The following C4orf36 variants were observed in gnomAD, a reference collection of about 807,000 sequenced individuals.
C4orf36 encodes chromosome 4 open reading frame 36, also known as uncharacterized protein C4orf36.
In C4orf36, 11 loss-of-function variants were observed where a neutral mutation model predicts 12.2. The ratio of observed to expected loss-of-function variants is 0.90; its 90% confidence interval spans 0.57 to 1.49. The LOEUF is 1.49. Ranked by LOEUF, C4orf36 falls within the 40% of genes most tolerant of loss-of-function variation. The probability of loss-of-function intolerance (pLI) is 0.00; values close to 1 mark genes in which losing one functional copy is unlikely to be tolerated. For missense variants in C4orf36, 137 were observed against 133.9 expected (o/e 1.02, Z -0.11); for synonymous variants, 54 against 51.3 (o/e 1.05, Z -0.22).
At chr4:86,936,022 GACGGGCC>G in the C4orf36 span, 1 of 152,086 alleles carries the variant, frequency 6.6e-6, no homozygotes, top group Non-Finnish European at 1.5e-5. Context: ...ATGGAGCTGC[GACGGGCC>G]TGCGGGCGGT....
the C4orf36 span, among the ~76,000 whole-genome samples, chr4:86,930,587 G>C: frequency 6.6e-6 from 1 of 152,212 alleles, no homozygotes; most frequent in East Asian, 1.9e-4. Flanking sequence ...TGTTTTGGGG[G>C]ATGAAAAAAT....
At chr4:86,888,609 T>C (rs1747272128) in intron 2 of C4orf36, among the ~76,000 whole-genome samples, 1 of 152,154 alleles carries the variant, frequency 6.6e-6, no homozygotes, top group Non-Finnish European at 1.5e-5. Context: ...AATGTGGTCA[T>C]ATTGAAGAAG....
At chr4:86,930,449 A>C in the C4orf36 span, among the ~76,000 whole-genome samples, 6 of 152,390 alleles carry the variant, frequency 3.9e-5, no homozygotes, top group Admixed American at 3.9e-4. Flanking sequence ...AAGATGAAAT[A>C]TCTCTCTGAG....
chr4:86,924,140 A>G, the C4orf36 span, among the ~76,000 whole-genome samples: 1 of 152,156 alleles, frequency 6.6e-6, no homozygotes, highest in Non-Finnish European at 1.5e-5. Flanking sequence ...TCCCAGGTCC[A>G]AGCCATCCTC....
the C4orf36 span, among the ~76,000 whole-genome samples, chr4:86,922,462 C>T: frequency 1.3e-5 from 2 of 152,204 alleles, no homozygotes; most frequent in Admixed American, 6.5e-5. Flanking sequence ...CCAAAGCAAT[C>T]TTTCTTTTTC....
upstream of C4orf36, among the ~76,000 whole-genome samples, chr4:86,896,272 A>C (rs1054836403): frequency 6.6e-6 from 1 of 152,224 alleles, no homozygotes; most frequent in Non-Finnish European, 1.5e-5. Flanking sequence ...AAGGTTTTAG[A>C]TTACACATTT....
chr4:86,893,322 G>A (rs1747499570), upstream of C4orf36, among the ~76,000 whole-genome samples: 2 of 152,188 alleles, frequency 1.3e-5, no homozygotes, highest in Non-Finnish European at 2.9e-5. Flanking sequence ...CGTGTCTCAC[G>A]CCTGTAATCC....
intron 4 of C4orf36, among the ~76,000 whole-genome samples, chr4:86,883,018 G>C (rs1442025092): frequency 6.6e-6 from 1 of 152,160 alleles, no homozygotes; most frequent in Non-Finnish European, 1.5e-5. Context: ...CATCCTGATG[G>C]TCTTTTGGAC....
chr4:86,877,956 T>A (rs542496924), intron 4 of C4orf36, among the ~76,000 whole-genome samples: 7 of 152,286 alleles, frequency 4.6e-5, no homozygotes, highest in Admixed American at 2.0e-4. Context: ...TGAGTGAGTA[T>A]AAGTGAGATA....
chr4:86,935,346 G>A, the C4orf36 span: 1 of 152,432 alleles, frequency 6.6e-6, no homozygotes, highest in Non-Finnish European at 1.5e-5. Flanking sequence ...CCTCTCTGCC[G>A]GCTTCCCAGC....
chr4:86,914,253 C>T, the C4orf36 span: 1 of 1,602,780 alleles, frequency 6.2e-7, no homozygotes, highest in Non-Finnish European at 8.5e-7. Flanking sequence ...ATCTTTCTGA[C>T]TCCAGACATA....
intron 2 of C4orf36, among the ~76,000 whole-genome samples, chr4:86,888,588 T>C (rs890489515): frequency 6.6e-6 from 1 of 152,200 alleles, no homozygotes; most frequent in Non-Finnish European, 1.5e-5. Flanking sequence ...GAGTCTTTTA[T>C]AGCTCATAAA....
the C4orf36 span, among the ~76,000 whole-genome samples, chr4:86,909,385 C>T: frequency 5.3e-5 from 8 of 152,260 alleles, no homozygotes; most frequent in South Asian, 6.2e-4. Context: ...TCTCCTGTGT[C>T]AGCACTAGAA....
chr4:86,888,107 C>T lies in C4orf36; in HGVS notation c.220+14G>A, dbSNP rs1560472891. The T allele has an allele frequency of 6.2e-7, 1 of 1,605,970 alleles. No individual in the cohort carries two copies. The highest frequency in any genetic ancestry group is 1.7e-5 in the Admixed American group (1 of 58,510). ...GAATTTATAACTTATTAAAGCAGAA[C>T]TTAAGGAACTTACATTCTGCAGAAG... On this transcript the variant is annotated intron_variant, in intron 3 of 4. Coordinates refer to ENST00000295898, the MANE Select transcript of C4orf36 (RefSeq NM_144645.4).
chr4:86,891,114 A>C (rs1246741543), intron 2 of C4orf36, among the ~76,000 whole-genome samples: 1 of 152,074 alleles, frequency 6.6e-6, no homozygotes, highest in African/African-American at 2.4e-5. Context: ...AGTTTTTTTA[A>C]AGTTGTGGGT....
chr4:86,903,307 C>T, the C4orf36 span, among the ~76,000 whole-genome samples: 1 of 152,108 alleles, frequency 6.6e-6, no homozygotes, highest in Non-Finnish European at 1.5e-5. Flanking sequence ...GTCAAGAGAT[C>T]GAGACCATCC....
the C4orf36 span, among the ~76,000 whole-genome samples, chr4:86,908,452 CT>C: frequency 4.0e-4 from 56 of 141,758 alleles, no homozygotes; most frequent in South Asian, 2.0e-3. Context: ...TCAACAGTGT[CT>C]TTTTTTTTTT....
chr4:86,877,470 A>T (rs1221034713), intron 4 of C4orf36, among the ~76,000 whole-genome samples: 1 of 152,240 alleles, frequency 6.6e-6, no homozygotes, highest in African/African-American at 2.4e-5. Context: ...TGGTTGGCAG[A>T]TCAGAGTCTT....
At chr4:86,935,062 C>G in the C4orf36 span, 4 of 152,022 alleles carry the variant, frequency 2.6e-5, no homozygotes, top group Admixed American at 6.6e-5. Context: ...TCGGCCGCCG[C>G]CTGCGCGCGT....
Sources: allele counts gnomAD v4.1 joint callset (sites outside exome capture counted in the v4.1 genomes callset), GRCh38; gene constraint gnomAD v4.1.1; transcripts MANE v1.5; gene names NCBI Gene and HGNC (gene_info 2026-07-23, HGNC 2026-07-21).